The following PLD1 variants were observed in gnomAD, a reference collection of about 807,000 sequenced individuals.
PLD1 encodes the protein choline phosphatase 1.
In PLD1, 112 loss-of-function variants were observed where a neutral mutation model predicts 137.1. The observed-to-expected ratio is 0.82, with a 90% CI of 0.70 to 0.96. The LOEUF (loss-of-function observed/expected upper bound fraction) is 0.96, where lower values mean the gene tolerates loss of function less well. Among genes scored for constraint, PLD1 ranks in the 40% least tolerant of loss-of-function variants. The pLI is 0.00. For missense variants in PLD1, 1,321 were observed against 1,342.0 expected (o/e 0.98, Z 0.24); for synonymous variants, 431 against 454.7 (o/e 0.95, Z 0.66).
chr3:171,699,194 C>T (rs1246273603), intron 12 of PLD1, among the ~76,000 whole-genome samples: 5 of 152,100 alleles, frequency 3.3e-5, no homozygotes, highest in Admixed American at 2.6e-4. Context: ...ACCTAAAAAG[C>T]ACACATTCAA....
chr3:171,725,850 G>A (rs1718465092), intron 7 of PLD1, among the ~76,000 whole-genome samples, 168 bp downstream of exon 7: 1 of 152,218 alleles, frequency 6.6e-6, no homozygotes, highest in African/African-American at 2.4e-5. Context: ...TTTATCACAG[G>A]AGATGCTCTG....
At chr3:171,671,281 G>T (rs1712715705) in intron 19 of PLD1, among the ~76,000 whole-genome samples, 1 of 152,150 alleles carries the variant, frequency 6.6e-6, no homozygotes, top group Non-Finnish European at 1.5e-5. Context: ...AGAACTAGAT[G>T]TACTACAGGA....
At chr3:171,669,564 G>A (rs963918133) in intron 19 of PLD1, among the ~76,000 whole-genome samples, 10 of 152,160 alleles carry the variant, frequency 6.6e-5, no homozygotes, top group African/African-American at 2.4e-4. Context: ...ATAACGCCCA[G>A]CTAATTTTTG....
intron 1 of PLD1, among the ~76,000 whole-genome samples, chr3:171,739,745 T>C (rs996866364): frequency 6.6e-6 from 1 of 152,194 alleles, no homozygotes; most frequent in African/African-American, 2.4e-5. Flanking sequence ...AAAGAAAGAC[T>C]AAGTAACTTG....
At position 171,802,849 on chromosome 3, in the gene PLD1, A is replaced by G. The variant is rs1723700313; in HGVS notation, c.-32+7550T>C. On this transcript the variant is annotated intron_variant, in intron 1 of 26. Coordinates refer to ENST00000351298, the MANE Select transcript of PLD1 (RefSeq NM_002662.5). The stretch of plus-strand genomic sequence containing the variant: ...ACATAAAAATCGAGGCTACCATACA[A>G]TGTGGCCAGGGTCCAGCAGCCCAGA... 2.6e-5 allele frequency among the ~76,000 whole-genome samples: 4 copies of G among 152,294 alleles called. 1 individual carries two copies. In the South Asian group the frequency reaches 8.3e-4, roughly 32 times the overall value.
intron 8 of PLD1, among the ~76,000 whole-genome samples, chr3:171,719,958 G>C (rs1423819059): frequency 6.6e-6 from 1 of 152,108 alleles, no homozygotes; most frequent in Non-Finnish European, 1.5e-5. Context: ...AAGTTATGAA[G>C]GAGTGTCATC....
intron 19 of PLD1, among the ~76,000 whole-genome samples, chr3:171,671,752 T>C (rs1712783683): frequency 6.6e-6 from 1 of 151,590 alleles, no homozygotes; most frequent in African/African-American, 2.4e-5. Flanking sequence ...TGCTAAGGAG[T>C]CCTGTATTAA....
intron 19 of PLD1, among the ~76,000 whole-genome samples, chr3:171,673,668 T>G (rs768660840): frequency 9.8e-5 from 15 of 152,326 alleles, no homozygotes; most frequent in Admixed American, 3.3e-4. Context: ...AATAACTGAT[T>G]TAGGCACTTC....
At chr3:171,800,860 CT>C (rs1260820869) in intron 1 of PLD1, among the ~76,000 whole-genome samples, 5 of 152,154 alleles carry the variant, frequency 3.3e-5, no homozygotes, top group African/African-American at 1.2e-4. Context: ...TCTCTGGCCT[CT>C]TTTATAAAGG....
chr3:171,671,948 C>T (rs1712809346), intron 19 of PLD1, among the ~76,000 whole-genome samples: 1 of 152,046 alleles, frequency 6.6e-6, no homozygotes, highest in Non-Finnish European at 1.5e-5. Context: ...AGGACCAGGT[C>T]CAAATTCACT....
At chr3:171,658,766 AGTTTAAGTGGCTGGATTATACAGT>A (rs1447236825) in intron 21 of PLD1, among the ~76,000 whole-genome samples, 1 of 152,212 alleles carries the variant, frequency 6.6e-6, no homozygotes, top group Non-Finnish European at 1.5e-5. Context: ...TGAATTGTAT[AGTTTAAGTGGCTGGATTATACAGT>A]ATGTAAATTC....
At chr3:171,787,375 G>A (rs1007683957) in intron 1 of PLD1, among the ~76,000 whole-genome samples, 2 of 152,000 alleles carry the variant, frequency 1.3e-5, no homozygotes, top group African/African-American at 4.8e-5. Flanking sequence ...CCTTATTTTT[G>A]TGATCAAATT....
At chr3:171,788,033 C>A (rs1052041956) in intron 1 of PLD1, among the ~76,000 whole-genome samples, 1 of 151,726 alleles carries the variant, frequency 6.6e-6, no homozygotes, top group African/African-American at 2.4e-5. Context: ...ATGGTGAAAC[C>A]CCATTTCTAC....
intron 25 of PLD1, among the ~76,000 whole-genome samples, chr3:171,607,199 T>A (rs1030208877): frequency 4.6e-5 from 7 of 152,146 alleles, no homozygotes; most frequent in African/African-American, 1.2e-4. Flanking sequence ...TAACTTTTTT[T>A]AAAAAAAGAT....
chr3:171,735,240 G>A (rs1036742519), intron 4 of PLD1, among the ~76,000 whole-genome samples: 1 of 152,154 alleles, frequency 6.6e-6, no homozygotes, highest in Non-Finnish European at 1.5e-5. Context: ...CAATCCTCCT[G>A]TTGTAGCCTC....
chr3:171,601,145 C>T lies in PLD1; in HGVS notation c.*1933G>A, dbSNP rs1265598917. Reference sequence around the variant, plus strand: ...AGCAATGTTGCTAGTCCCAGCTCTACCATCTACACATTGAGTGGATTTAAG... The same window carrying T: ...AGCAATGTTGCTAGTCCCAGCTCTATCATCTACACATTGAGTGGATTTAAG... On this transcript the variant is annotated 3_prime_UTR_variant, in exon 27 of 27. Coordinates refer to ENST00000351298, the MANE Select transcript of PLD1 (RefSeq NM_002662.5). 1.3e-5 allele frequency: 2 copies of T among 151,684 alleles called. No individual in the cohort carries two copies. The highest frequency in any genetic ancestry group is 2.4e-5 in the African/African-American group (1 of 41,204). The allele number at this position is 151,684 out of a possible 1,614,324, so 9.4% of individuals were successfully genotyped here.
chr3:171,662,420 C>T (rs137909537), intron 19 of PLD1, among the ~76,000 whole-genome samples: 2 of 152,214 alleles, frequency 1.3e-5, no homozygotes, highest in African/African-American at 4.8e-5. Context: ...CCTGAATATA[C>T]CCTCTTTCAT....
chr3:171,771,594 T>A (rs1722354306), intron 1 of PLD1, among the ~76,000 whole-genome samples: 1 of 152,196 alleles, frequency 6.6e-6, no homozygotes, highest in Non-Finnish European at 1.5e-5. Context: ...TTCTCTCCCC[T>A]CAGACACTGC....
chr3:171,794,628 C>T (rs1033319093), intron 1 of PLD1, among the ~76,000 whole-genome samples: 2 of 151,840 alleles, frequency 1.3e-5, no homozygotes, highest in African/African-American at 4.8e-5. Flanking sequence ...ATGCCTGGTG[C>T]TTGTAGTAGT....
Sources: allele counts gnomAD v4.1 joint callset (sites outside exome capture counted in the v4.1 genomes callset), GRCh38; gene constraint gnomAD v4.1.1; transcripts MANE v1.5; gene names NCBI Gene and HGNC (gene_info 2026-07-23, HGNC 2026-07-21).